The following DPP10 variants were observed in gnomAD, a reference collection of about 807,000 sequenced individuals.
DPP10 encodes dipeptidyl peptidase like 10.
DPP10 carries 33 observed loss-of-function variants against 120.9 expected under a neutral mutation model. That is an observed-to-expected ratio of 0.27 (90% confidence interval 0.21 to 0.37). The LOEUF (loss-of-function observed/expected upper bound fraction) is 0.37, where lower values mean the gene tolerates loss of function less well. DPP10 is among the 10% of genes least tolerant of loss of function. The probability of loss-of-function intolerance (pLI) is 1.00; values close to 1 mark genes in which losing one functional copy is unlikely to be tolerated. For synonymous variants in DPP10, 337 were observed against 326.1 expected (o/e 1.03, Z -0.36); for missense variants, 816 against 942.8 (o/e 0.87, Z 1.76).
At chr2:115,713,992 C>A (rs780672930) in intron 7 of DPP10, among the ~76,000 whole-genome samples, 3 of 152,186 alleles carry the variant, frequency 2.0e-5, no homozygotes, top group Non-Finnish European at 4.4e-5. Context: ...GATGCCGAGT[C>A]ATCACTGAAG....
intron 3 of DPP10, among the ~76,000 whole-genome samples, chr2:115,373,918 T>G (rs1034012797): frequency 6.6e-6 from 1 of 151,146 alleles, no homozygotes; most frequent in Non-Finnish European, 1.5e-5. Context: ...AAATGGGGCA[T>G]GCCAAACATT....
intron 3 of DPP10, among the ~76,000 whole-genome samples, chr2:115,462,335 A>G (rs1483199244): frequency 6.6e-6 from 1 of 152,110 alleles, no homozygotes; most frequent in African/African-American, 2.4e-5. Context: ...GGCTCCATTT[A>G]TCTTTTACCT....
chr2:115,226,328 G>A (rs1166472485), intron 1 of DPP10, among the ~76,000 whole-genome samples: 1 of 152,100 alleles, frequency 6.6e-6, no homozygotes, highest in African/African-American at 2.4e-5. Flanking sequence ...GTGAGTAAAT[G>A]TATTCCGAAC....
At chr2:115,498,317 C>T (rs906918365) in intron 3 of DPP10, among the ~76,000 whole-genome samples, 1 of 152,080 alleles carries the variant, frequency 6.6e-6, no homozygotes, top group South Asian at 2.1e-4. Flanking sequence ...ATAAATTGTA[C>T]GTGTAACTAT....
At chr2:114,534,033 C>T (rs895118490) in intron 1 of DPP10, among the ~76,000 whole-genome samples, 26 of 151,310 alleles carry the variant, frequency 1.7e-4, no homozygotes, top group African/African-American at 5.2e-4. Flanking sequence ...GGATGTTCTA[C>T]ATACTTTGTT....
At chr2:115,477,142 C>A (rs916841788) in intron 3 of DPP10, among the ~76,000 whole-genome samples, 1 of 152,014 alleles carries the variant, frequency 6.6e-6, no homozygotes, top group Non-Finnish European at 1.5e-5. Flanking sequence ...TTCTATTCAA[C>A]ATAGTACTGG....
rs1350991666 is a variant in DPP10 at position 114,482,008 on chromosome 2, A to G, written c.60+39170A>G. Among the ~76,000 whole-genome samples, 4 of 151,898 alleles carry G rather than the reference A, an allele frequency of 2.6e-5. No homozygotes were observed. In the East Asian group the frequency reaches 7.7e-4, roughly 29 times the overall value. On this transcript the variant is annotated intron_variant, in intron 1 of 25. Transcript: ENST00000410059. ...GAAAGAGAGAGAGAGAGAAAGAGAA[A>G]GACAACCTAGGGGAAACTGCCACTT...
intron 1 of DPP10, among the ~76,000 whole-genome samples, chr2:115,292,252 A>G (rs1326362276): frequency 6.6e-6 from 1 of 152,156 alleles, no homozygotes; most frequent in Non-Finnish European, 1.5e-5. Flanking sequence ...GTAAAGCTAC[A>G]TAACTACATA....
chr2:114,772,409 T>G (rs2106156214), intron 1 of DPP10, among the ~76,000 whole-genome samples: 1 of 152,112 alleles, frequency 6.6e-6, no homozygotes, highest in East Asian at 1.9e-4. Flanking sequence ...ATCCACCCAC[T>G]CGGCCTACCA....
chr2:115,103,517 T>G (rs1374527470), intron 1 of DPP10, among the ~76,000 whole-genome samples: 1 of 152,156 alleles, frequency 6.6e-6, no homozygotes, highest in Admixed American at 6.5e-5. Flanking sequence ...CCAAGTCTTC[T>G]TTCAGATTTT....
At chr2:115,684,350 G>T in intron 5 of DPP10, among the ~76,000 whole-genome samples, 1 of 151,752 alleles carries the variant, frequency 6.6e-6, no homozygotes, top group African/African-American at 2.4e-5. Context: ...CTTTTGAAAC[G>T]ACAAAGTCAC....
intron 1 of DPP10, among the ~76,000 whole-genome samples, chr2:114,878,313 AT>A (rs1691318765): frequency 6.6e-6 from 1 of 152,098 alleles, no homozygotes; most frequent in Non-Finnish European, 1.5e-5. Context: ...TTGATACATA[AT>A]AACTGTACAT....
At chr2:114,646,215 C>G (rs7575903) in intron 1 of DPP10, among the ~76,000 whole-genome samples, 151 of 150,788 alleles carry the variant, frequency 1.0e-3, no homozygotes, top group African/African-American at 3.6e-3. Context: ...GAGAGGGGAT[C>G]AAAAGCACTA....
intron 3 of DPP10, among the ~76,000 whole-genome samples, chr2:115,494,295 G>T (rs1323597159): frequency 6.6e-6 from 1 of 152,036 alleles, no homozygotes; most frequent in Middle Eastern, 3.2e-3. Flanking sequence ...ATATTTAAGA[G>T]CTTAGAGCGC....
intron 5 of DPP10, among the ~76,000 whole-genome samples, chr2:115,641,513 A>G (rs1024111798): frequency 2.0e-5 from 3 of 151,838 alleles, no homozygotes; most frequent in African/African-American, 4.9e-5. Flanking sequence ...GCCTACATAA[A>G]TGAACCCCAC....
At chr2:115,702,515 T>C (rs1437013313) in intron 7 of DPP10, among the ~76,000 whole-genome samples, 1 of 152,114 alleles carries the variant, frequency 6.6e-6, no homozygotes, top group Non-Finnish European at 1.5e-5. Flanking sequence ...AATGAAATTA[T>C]TCAGCCACAA....
intron 1 of DPP10, among the ~76,000 whole-genome samples, chr2:114,844,380 A>G (rs1385907564): frequency 1.3e-5 from 2 of 151,608 alleles, no homozygotes; most frequent in African/African-American, 4.8e-5. Context: ...TACTTTTTTC[A>G]CTAAACCAAG....
At chr2:114,524,656 A>G (rs1685347649) in intron 1 of DPP10, among the ~76,000 whole-genome samples, 1 of 152,196 alleles carries the variant, frequency 6.6e-6, no homozygotes, top group African/African-American at 2.4e-5. Flanking sequence ...AGACATACTC[A>G]AGTTTTGTTG....
intron 5 of DPP10, among the ~76,000 whole-genome samples, chr2:115,614,413 G>A (rs2084338692): frequency 6.6e-6 from 1 of 151,902 alleles, no homozygotes. Context: ...CAGTTTTATA[G>A]GGGAAGGAAT....
Sources: allele counts gnomAD v4.1 joint callset (sites outside exome capture counted in the v4.1 genomes callset), GRCh38; gene constraint gnomAD v4.1.1; transcripts MANE v1.5; gene names NCBI Gene and HGNC (gene_info 2026-07-23, HGNC 2026-07-21).